The following XPR1 variants were observed in gnomAD, a reference collection of about 807,000 sequenced individuals.
XPR1 encodes the protein xenotropic and polytropic retrovirus receptor 1.
In XPR1, 28 loss-of-function variants were observed where a neutral mutation model predicts 87.5. The observed-to-expected ratio is 0.32, with a 90% CI of 0.24 to 0.44. The LOEUF is 0.44. Ranked by LOEUF, XPR1 falls within the 20% of genes least tolerant of loss-of-function variation. The pLI is 1.00. For missense variants in XPR1, 559 were observed against 862.3 expected (o/e 0.65, Z 4.41); for synonymous variants, 300 against 306.1 (o/e 0.98, Z 0.21).
At chr1:180,802,177 G>A (rs572417002) in intron 3 of XPR1, among the ~76,000 whole-genome samples, 2 of 151,406 alleles carry the variant, frequency 1.3e-5, no homozygotes, top group Non-Finnish European at 2.9e-5. Flanking sequence ...ATCTATGAAA[G>A]GTGTAGAAGA....
chr1:180,882,348 G>GT (rs1375194636), intron 14 of XPR1, among the ~76,000 whole-genome samples: 7 of 151,934 alleles, frequency 4.6e-5, no homozygotes, highest in Non-Finnish European at 8.8e-5. Context: ...AATGTGTGTG[G>GT]TTTTTTTGTT....
intron 2 of XPR1, among the ~76,000 whole-genome samples, chr1:180,729,030 T>G (rs891743725): frequency 3.3e-5 from 5 of 152,132 alleles, no homozygotes; most frequent in African/African-American, 9.7e-5. Flanking sequence ...GTGTTTGTTG[T>G]TTTCTTTGTG....
chr1:180,770,519 T>A (rs1169360642), intron 2 of XPR1, among the ~76,000 whole-genome samples: 1 of 152,166 alleles, frequency 6.6e-6, no homozygotes, highest in Non-Finnish European at 1.5e-5. Flanking sequence ...GGGGATTAAG[T>A]CTTCAAGATA....
At chr1:180,834,606 G>T (rs1208326192) in intron 9 of XPR1, among the ~76,000 whole-genome samples, 1 of 152,174 alleles carries the variant, frequency 6.6e-6, no homozygotes, top group Non-Finnish European at 1.5e-5. Context: ...TTTTTGCAAA[G>T]AATTAGCAGC....
chr1:180,755,397 G>A (rs1402095323), intron 2 of XPR1, among the ~76,000 whole-genome samples: 3 of 152,176 alleles, frequency 2.0e-5, no homozygotes, highest in Non-Finnish European at 4.4e-5. Context: ...GAAACACTAG[G>A]TGAACTCAGG....
At chr1:180,651,927 A>G (rs1655305308) in intron 1 of XPR1, among the ~76,000 whole-genome samples, 1 of 152,238 alleles carries the variant, frequency 6.6e-6, no homozygotes, top group Non-Finnish European at 1.5e-5. Context: ...AGATATTTAG[A>G]TCTTGCAATA....
At chr1:180,804,827 A>G (rs1020927212) in intron 4 of XPR1, among the ~76,000 whole-genome samples, 2 of 152,136 alleles carry the variant, frequency 1.3e-5, no homozygotes, top group African/African-American at 4.8e-5. Context: ...TTGCTTTGAG[A>G]TTTGTTCATC....
At chr1:180,696,165 GGTGTGTGTGTGTGTGTGTGTGTGT>G (rs59249501) in intron 2 of XPR1, among the ~76,000 whole-genome samples, 2 of 102,994 alleles carry the variant, frequency 1.9e-5, no homozygotes, top group East Asian at 3.1e-4. Context: ...TTTATTCCTG[GGTGTGTGTGTGTGTGTGTGTGTGT>G]GTGTGTGTGT....
intron 7 of XPR1, among the ~76,000 whole-genome samples, chr1:180,823,191 A>G (rs1650700902): frequency 6.6e-6 from 1 of 152,128 alleles, no homozygotes; most frequent in Non-Finnish European, 1.5e-5. Flanking sequence ...CAGTGAGCCA[A>G]GATGACACCA....
chr1:180,768,082 G>A (rs1260342930), intron 2 of XPR1, among the ~76,000 whole-genome samples: 1 of 152,080 alleles, frequency 6.6e-6, no homozygotes, highest in Non-Finnish European at 1.5e-5. Flanking sequence ...CTGACCTCGT[G>A]ATCCACCCGC....
chr1:180,679,709 G>A lies in XPR1; in HGVS notation c.70-2651G>A, dbSNP rs568257173. Among the ~76,000 whole-genome samples the A allele has an allele frequency of 3.9e-4, 59 of 152,042 alleles. 1 individual carries two copies. Among genetic ancestry groups the A allele is most frequent in the African/African-American group, 1.4e-3 (58 of 41,494 alleles). ...GCTAATCTAGAGTGTGGTTTTGGGG[G>A]AAAAAACAAAAACAAAAACAAACTA... On this transcript the variant is annotated intron_variant, in intron 1 of 14. Transcript: ENST00000367590.
chr1:180,778,651 A>G (rs1648814437), intron 2 of XPR1, among the ~76,000 whole-genome samples: 1 of 152,124 alleles, frequency 6.6e-6, no homozygotes, highest in Non-Finnish European at 1.5e-5. Flanking sequence ...AAGTATCTCC[A>G]GATATTGCCA....
intron 2 of XPR1, among the ~76,000 whole-genome samples, chr1:180,761,270 G>A (rs941254864): frequency 5.7e-4 from 87 of 152,114 alleles, no homozygotes. Flanking sequence ...ATTGACAAAT[G>A]GGATCGAATT....
At position 180,656,433 on chromosome 1, in the gene XPR1, AT is replaced by A. The variant is rs376384027; in HGVS notation, c.69+24166del. Among the ~76,000 whole-genome samples the A allele has an allele frequency of 9.9e-3, 134 of 13,482 alleles. 6 individuals are homozygous for A. Among genetic ancestry groups the A allele is most frequent in the African/African-American group, 0.019 (95 of 4,928 alleles). The allele number at this position is 13,482 out of a possible 152,430, so 8.8% of individuals were successfully genotyped here. On this transcript the variant is annotated intron_variant, in intron 1 of 14. Coordinates refer to ENST00000367590, the MANE Select transcript of XPR1 (RefSeq NM_004736.4). Reference sequence around the variant, plus strand: ...TATATTTATATATAAATATTTATATATTTATATATAAATATTTATATATTTA... The same window carrying A: ...TATATTTATATATAAATATTTATATATTATATATAAATATTTATATATTTA...
At chr1:180,758,263 G>A (rs1647838617) in intron 2 of XPR1, among the ~76,000 whole-genome samples, 1 of 151,920 alleles carries the variant, frequency 6.6e-6, no homozygotes, top group Non-Finnish European at 1.5e-5. Context: ...AATATAGCAT[G>A]TTCTCATTCA....
At chr1:180,717,410 C>T (rs1658032771) in intron 2 of XPR1, among the ~76,000 whole-genome samples, 3 of 151,996 alleles carry the variant, frequency 2.0e-5, no homozygotes, top group Non-Finnish European at 4.4e-5. Context: ...CCAAAATATA[C>T]GAGATGAATG....
chr1:180,837,084 A>T, intron 11 of XPR1, among the ~76,000 whole-genome samples: 1 of 152,204 alleles, frequency 6.6e-6, no homozygotes, highest in Admixed American at 6.5e-5. Flanking sequence ...GTGGCAATCA[A>T]GTATATTTTT....
At chr1:180,652,358 A>G (rs1655325908) in intron 1 of XPR1, among the ~76,000 whole-genome samples, 1 of 152,166 alleles carries the variant, frequency 6.6e-6, no homozygotes, top group Admixed American at 6.5e-5. Flanking sequence ...CTATTACCAC[A>G]ATCAGGTAAG....
intron 2 of XPR1, among the ~76,000 whole-genome samples, chr1:180,723,805 A>G (rs1658249980): frequency 6.6e-6 from 1 of 152,154 alleles, no homozygotes; most frequent in Admixed American, 6.5e-5. Flanking sequence ...ATCCAGATAC[A>G]TCATTTACCA....
Sources: gnomAD v4.1 joint callset for allele counts (sites outside exome capture counted in the v4.1 genomes callset) on GRCh38, gnomAD v4.1.1 for gene constraint, MANE v1.5 for transcripts, NCBI Gene and HGNC (gene_info 2026-07-23, HGNC 2026-07-21) for gene names.